The following WRAP53 variants were observed in gnomAD, a reference collection of about 807,000 sequenced individuals.
WRAP53 encodes the protein WD repeat containing antisense to TP53.
In WRAP53, 28 loss-of-function variants were observed where a neutral mutation model predicts 56.6. The observed-to-expected ratio is 0.50, with a 90% CI of 0.37 to 0.68. WRAP53 has a LOEUF of 0.68. Ranked by LOEUF, WRAP53 falls within the 30% of genes least tolerant of loss-of-function variation. The pLI, the probability that WRAP53 is intolerant of heterozygous loss-of-function variation, is 0.00. For missense variants in WRAP53, 671 were observed against 715.5 expected (o/e 0.94, Z 0.71); for synonymous variants, 283 against 283.4 (o/e 1.00, Z 0.01).
In WRAP53 at chr17:7,701,945, C is replaced by G. The variant is rs1381324571; in HGVS notation, c.955+156C>G. The G allele has an allele frequency of 2.7e-5, 35 of 1,305,640 alleles. No individual in the cohort carries two copies. Among genetic ancestry groups the G allele is most frequent in the East Asian group, 5.0e-5 (2 of 39,820 alleles). The allele number at this position is 1,305,640 out of a possible 1,614,324, so 80.9% of individuals were successfully genotyped here. On this transcript the variant is annotated intron_variant, in intron 7 of 10. Coordinates refer to ENST00000396463, the MANE Select transcript of WRAP53 (RefSeq NM_001143992.2). This position sits in a 1 kb window ranked among gnomAD's most constrained non-coding sequence, Gnocchi z 4.2. The stretch of plus-strand genomic sequence containing the variant: ...CCCAGTCGGCAGAGGAGCAAACAGG[C>G]TCAGAGCAGGTAGGAAACCTTCCCA...
chr17:7,702,818 A>G lies in WRAP53; in HGVS notation c.1240A>G (p.Asn414Asp). 1 of 1,614,002 alleles carries G rather than the reference A, an allele frequency of 6.2e-7. No individual in the cohort carries two copies. The stretch of plus-strand genomic sequence containing the variant: ...GTCCCTGGGTCGAGAGGTGACCACC[A>G]ATCAGCGCATCTACTTCGATCTGGA... ...LWSLGREVTT[N>D]QRIYFDLDPT... The change falls in exon 9 of 11, where the codon AAT (asparagine) becomes GAT (aspartate). Residue 414 changes from asparagine (N) to aspartate (D), a missense_variant. Physicochemically the swap from Asn to Asp is conservative, Grantham distance 23. Transcript: ENST00000396463. This position sits in a 1 kb window ranked among gnomAD's most constrained non-coding sequence, Gnocchi z 5.0.
At position 7,692,996 on chromosome 17, in the gene WRAP53, C is replaced by T. The variant is rs529081062; in HGVS notation, c.642+3295C>T. 7.9e-5 allele frequency among the ~76,000 whole-genome samples: 12 copies of T among 151,820 alleles called. No homozygotes were observed. The South Asian group carries it at 2.5e-3, about 32-fold the overall frequency. ...GACCTCGTGATCCTCCTGCCTCGGC[C>T]TCCCAAAGTGCTGGGATTACAAGCA... On this transcript the variant is annotated intron_variant, in intron 4 of 10. Transcript: ENST00000396463.
chr17:7,688,462 G>A (rs2151084163), upstream of WRAP53: 2 of 635,358 alleles, frequency 3.1e-6, no homozygotes, highest in East Asian at 5.6e-5. Flanking sequence ...AGCGACCCGC[G>A]GTGCTAAGGA....
intron 4 of WRAP53, among the ~76,000 whole-genome samples, chr17:7,693,484 C>A (rs139439532): frequency 4.0e-5 from 6 of 151,880 alleles, no homozygotes; most frequent in African/African-American, 1.5e-4. Context: ...TTTGGGGGGC[C>A]GAGGCAGGTG....
rs200523281 is a variant in WRAP53, at chr17:7,692,029, TG to T, written c.642+2334del. Among the ~76,000 whole-genome samples the T allele has an allele frequency of 3.3e-5, 5 of 150,604 alleles. No individual in the cohort carries two copies. In the East Asian group the frequency reaches 8.2e-4, roughly 25 times the overall value. ...TTTTTTTGTATTTTTTTAGTAGAGATGGGGGGTTCATCATATTGGCCAGGCT... is the reference window on the plus strand; with the variant it reads ...TTTTTTTGTATTTTTTTAGTAGAGATGGGGGTTCATCATATTGGCCAGGCT... On this transcript the variant is annotated intron_variant, in intron 4 of 10. Coordinates refer to ENST00000396463, the MANE Select transcript of WRAP53 (RefSeq NM_001143992.2).
At chr17:7,695,237 G>A (rs1337895995) in intron 4 of WRAP53, among the ~76,000 whole-genome samples, 3 of 152,198 alleles carry the variant, frequency 2.0e-5, no homozygotes, top group African/African-American at 7.2e-5. Context: ...TTACAGGCGT[G>A]AGCCACTGCA....
At chr17:7,689,150 T>G (rs1432908444) in intron 2 of WRAP53, 71 bp downstream of exon 2, 1 of 1,613,470 alleles carries the variant, frequency 6.2e-7, no homozygotes, top group Non-Finnish European at 8.5e-7. Flanking sequence ...CCTCTGGTCC[T>G]GAGACCCACT....
intron 4 of WRAP53, among the ~76,000 whole-genome samples, chr17:7,691,877 T>C (rs1005227134): frequency 1.3e-5 from 2 of 150,174 alleles, no homozygotes; most frequent in Non-Finnish European, 3.0e-5. Flanking sequence ...TGCTCTGTTG[T>C]CCAGGCTGGA....
chr17:7,701,694 C>G lies in WRAP53; in HGVS notation c.860C>G (p.Pro287Arg). ...GCAGCCCATTCGCTCTGCTTCTCCCCGGATGGCTCCCAGCTCTTCTGTGGC... is the reference window on the plus strand; with the variant it reads ...GCAGCCCATTCGCTCTGCTTCTCCCGGGATGGCTCCCAGCTCTTCTGTGGC... ...LTAAHSLCFSPDGSQLFCGFN... is the reference protein window; with the variant it reads ...LTAAHSLCFSRDGSQLFCGFN... Residue 287 changes from proline to arginine, a missense_variant, in exon 7 of 11, where the codon CCG (proline) becomes CGG (arginine). Physicochemically the swap from Pro to Arg is moderately radical, Grantham distance 103 (BLOSUM62 -2). This residue lies in a region of WRAP53 where 406 missense variants were observed against 418.5 expected (regional missense o/e 0.97). Transcript: ENST00000396463. This position sits in a 1 kb window ranked among gnomAD's most constrained non-coding sequence, Gnocchi z 4.2. 8 of 1,614,230 alleles carry G rather than the reference C, an allele frequency of 5.0e-6. No individual in the cohort carries two copies. The highest frequency in any genetic ancestry group is 6.8e-6 in the Non-Finnish European group (8 of 1,180,042).
intron 3 of WRAP53, 38 bp downstream of exon 3, chr17:7,689,360 G>T (rs1170131959): frequency 1.3e-6 from 2 of 1,599,612 alleles, no homozygotes; most frequent in African/African-American, 1.3e-5. Context: ...GACCACCCCC[G>T]AGATTTTCAC....
At chr17:7,688,265 G>A (rs1348674639), upstream of WRAP53, 1 of 250,842 alleles carries the variant, frequency 4.0e-6, no homozygotes, top group African/African-American at 2.3e-5. Context: ...TTCTCGCCAA[G>A]ATAGAAGCGT....
upstream of WRAP53, chr17:7,687,881 G>T: frequency 2.9e-6 from 1 of 339,462 alleles, no homozygotes; most frequent in Non-Finnish European, 5.3e-6. Context: ...AAGGCTTTCC[G>T]TAATATCACA....
chr17:7,699,516 ATATATT>A (rs1213746870), intron 4 of WRAP53, among the ~76,000 whole-genome samples: 1,315 of 25,256 alleles, frequency 0.052, 177 homozygotes, highest in East Asian at 0.1. Flanking sequence ...ATATATATAT[ATATATT>A]TATATATATA....
At position 7,701,403 on chromosome 17, in the gene WRAP53, C is replaced by T; in HGVS notation, c.732-56C>T. 2 of 1,590,500 alleles carry T rather than the reference C, an allele frequency of 1.3e-6. No individual in the cohort carries two copies. Among genetic ancestry groups the T allele is most frequent in the Non-Finnish European group, 1.7e-6 (2 of 1,158,618 alleles). ...TACAGGCATGAGCCACTGTGCCCGG[C>T]CATTCCTCCCCTTCCTTTGACAGCA... On this transcript the variant is annotated intron_variant, in intron 5 of 10. Coordinates refer to ENST00000396463, the MANE Select transcript of WRAP53 (RefSeq NM_001143992.2). The surrounding 1 kb of genome is among the most constrained non-coding windows in gnomAD (Gnocchi z 4.2).
chr17:7,700,966 T>G, intron 5 of WRAP53, 137 bp downstream of exon 5: 1 of 658,740 alleles, frequency 1.5e-6, no homozygotes, highest in Non-Finnish European at 2.7e-6. Flanking sequence ...GTCAGTTGGC[T>G]TCCTCCCCTT....
In WRAP53 at chr17:7,702,967, C is replaced by T. The variant is rs1238989959; in HGVS notation, c.1269-26C>T. The T allele has an allele frequency of 6.2e-7, 1 of 1,613,428 alleles. No homozygotes were observed. Among genetic ancestry groups the T allele is most frequent in the Non-Finnish European group, 8.5e-7 (1 of 1,180,022 alleles). ...CCTGCCCCAGGGGTGAGGCCTCTGC[C>T]AGCAAATCTCTCCTCTCTCTCGCAG... is the stretch of plus-strand genomic sequence containing the variant. On this transcript the variant is annotated intron_variant, in intron 9 of 10. Transcript: ENST00000396463. This position sits in a 1 kb window ranked among gnomAD's most constrained non-coding sequence, Gnocchi z 5.0.
chr17:7,696,442 G>A (rs1339636244), intron 4 of WRAP53, among the ~76,000 whole-genome samples: 1 of 151,968 alleles, frequency 6.6e-6, no homozygotes, highest in Admixed American at 6.6e-5. Context: ...GGGACTACAG[G>A]CGCCCGCCAC....
chr17:7,699,476 T>TTATATATATATA (rs1299417199), intron 4 of WRAP53, among the ~76,000 whole-genome samples: 52 of 11,368 alleles, frequency 4.6e-3, no homozygotes, highest in Admixed American at 6.5e-3. Context: ...ATATATATAT[T>TTATATATATATA]TATATATATA....
Position 7,701,121 on chromosome 17 carries a change from C to T in WRAP53, c.731+292C>T, listed in dbSNP as rs1222474607. Among the ~76,000 whole-genome samples the T allele has an allele frequency of 6.6e-6, 1 of 152,128 alleles. No homozygotes were observed. The highest frequency in any genetic ancestry group is 1.5e-5 in the Non-Finnish European group (1 of 68,000). ...CTGAGTAGCTGGGATTACAGGTGTG[C>T]ACCACCACACCCAGCTAATTGTGTA... On this transcript the variant is annotated intron_variant, in intron 5 of 10. Transcript: ENST00000396463. The surrounding 1 kb of genome is among the most constrained non-coding windows in gnomAD (Gnocchi z 4.2).
Sources: allele counts gnomAD v4.1 joint callset (sites outside exome capture counted in the v4.1 genomes callset), GRCh38; gene constraint gnomAD v4.1.1; regional missense constraint gnomAD v4.1.1; non-coding constraint Gnocchi (gnomAD v3.1); transcripts MANE v1.5; gene names NCBI Gene and HGNC (gene_info 2026-07-23, HGNC 2026-07-21).